DDX21: variants seen among roughly 807,000 people sequenced by gnomAD.
DDX21 encodes DExD-box helicase 21.
In DDX21, 18 loss-of-function variants were observed where a neutral mutation model predicts 90.0. The ratio of observed to expected loss-of-function variants is 0.20; its 90% CI spans 0.14 to 0.30. The LOEUF (loss-of-function observed/expected upper bound fraction) is 0.30. Ranked by LOEUF, DDX21 falls within the 10% of genes least tolerant of loss-of-function variation. The pLI, the probability that DDX21 is intolerant of heterozygous loss-of-function variation, is 1.00. For synonymous variants in DDX21, 294 were observed against 318.0 expected, an observed-to-expected ratio of 0.92 and a Z score of 0.80; for missense variants, 673 against 944.5, an observed-to-expected ratio of 0.71 and a Z score of 3.77.
intron 8 of DDX21, among the ~76,000 whole-genome samples, chr10:68,971,199 C>G (rs1476230948): frequency 6.6e-6 from 1 of 151,870 alleles, no homozygotes; most frequent in African/African-American, 2.4e-5. Context: ...GGTTGTGCCA[C>G]AGTCACCACT....
At position 68,981,594 on chromosome 10, in the gene DDX21, C is replaced by A. The variant is rs200620565; in HGVS notation, c.2082+13C>A. 319 of 1,601,864 alleles carry A rather than the reference C, an allele frequency of 2.0e-4. 1 individual carries two copies. The highest frequency in any genetic ancestry group is 2.6e-4 in the Non-Finnish European group (306 of 1,171,430). ...AACAGAAATACAGGTATTCTTTTCC[C>A]TTAGATTTTAAAGTTAACATACCTA... On this transcript the variant is annotated intron_variant, in intron 14 of 14. Transcript: ENST00000354185.
rs578047165 is a variant in DDX21, at chr10:68,981,541, T to C, written c.2042T>C (p.Val681Ala). The change falls in exon 14 of 15, where the codon GTT becomes GCT. Residue 681 changes from valine to alanine, a missense_variant. Val to Ala is a moderately conservative substitution (Grantham distance 64). Coordinates refer to ENST00000354185, the MANE Select transcript of DDX21 (RefSeq NM_004728.4). ...TCCATTTGCTTTGATTTCTAGGGTGTTTGCTTTGATGTACCTACCGCATCA... is the reference window on the plus strand; with the variant it reads ...TCCATTTGCTTTGATTTCTAGGGTGCTTGCTTTGATGTACCTACCGCATCA... Reference protein sequence around the residue: ...GMVFLKGKLGVCFDVPTASVT... With the variant: ...GMVFLKGKLGACFDVPTASVT... 6.2e-7 allele frequency: 1 copy of C among 1,613,318 alleles called. No individual in the cohort carries two copies. Among genetic ancestry groups the C allele is most frequent in the East Asian group, 2.2e-5 (1 of 44,852 alleles).
Position 68,970,400 on chromosome 10 carries a change from C to T in DDX21, c.1386+50C>T, listed in dbSNP as rs145398356. On this transcript the variant is annotated intron_variant, in intron 8 of 14. Transcript: ENST00000354185. ...AAAACTGGGGATATCAACAAATCTTCACCTTGGGCATATCTGCTCTTGGTC... is the reference window on the plus strand; with the variant it reads ...AAAACTGGGGATATCAACAAATCTTTACCTTGGGCATATCTGCTCTTGGTC... The T allele has an allele frequency of 1.5e-5, 24 of 1,558,218 alleles. No homozygotes were observed. The African/African-American group carries it at 3.0e-4, about 19-fold the overall frequency.
chr10:68,972,777 A>T (rs1354102547), intron 9 of DDX21, among the ~76,000 whole-genome samples: 2 of 152,224 alleles, frequency 1.3e-5, no homozygotes, highest in Non-Finnish European at 2.9e-5. Flanking sequence ...GCAAGTGTAA[A>T]ATACATACTG....
Position 68,974,725 on chromosome 10 carries a change from C to T in DDX21, c.1724C>T (p.Ser575Phe), listed in dbSNP as rs1267813635. 4 of 1,613,808 alleles carry T rather than the reference C, an allele frequency of 2.5e-6. No individual in the cohort carries two copies. The highest frequency in any genetic ancestry group is 3.4e-6 in the Non-Finnish European group (4 of 1,179,858). The change falls in exon 11 of 15, where the codon TCC becomes TTC. Residue 575 changes from serine to phenylalanine, a missense_variant. Transcript: ENST00000354185. ...TCTGCAACAGAAATAATAAAAGCTT[C>T]CAGCAAAGATGCCATCAGGTATGTT... Reference protein sequence around the residue: ...VPSATEIIKASSKDAIRLLDS... With the variant: ...VPSATEIIKAFSKDAIRLLDS...
rs3086423 is a variant in DDX21 at position 68,983,698 on chromosome 10, T to TAAAAAAAAAAAAAAAAAAAA, written c.*888_*907dup. ...CAGATTAGCATTGCTCAAGAGTATGTAAAAAAAAAAAAAAAAAAAAAGAAC... is the reference window on the plus strand; with the variant it reads ...CAGATTAGCATTGCTCAAGAGTATGTAAAAAAAAAAAAAAAAAAAAAAAAAAAAAAAAAAAAAAAAAGAAC... On this transcript the variant is annotated 3_prime_UTR_variant, in exon 15 of 15. Coordinates refer to ENST00000354185, the MANE Select transcript of DDX21 (RefSeq NM_004728.4). The TAAAAAAAAAAAAAAAAAAAA allele has an allele frequency of 9.0e-6, 1 of 111,268 alleles. No individual in the cohort carries two copies. The highest frequency in any genetic ancestry group is 1.8e-5 in the Non-Finnish European group (1 of 54,620). 6.9% of individuals were successfully genotyped at this position (111,268 alleles called of 1,614,324 possible).
At chr10:68,965,599 C>T (rs967361145) in intron 5 of DDX21, 105 bp downstream of exon 5, 54 of 786,976 alleles carry the variant, frequency 6.9e-5, no homozygotes, top group Non-Finnish European at 9.7e-5. Flanking sequence ...ATAGGATAGT[C>T]GTTTATGGGG....
In DDX21 at chr10:68,973,673, A is replaced by T; in HGVS notation, c.1668+9A>T. 1 of 1,608,238 alleles carries T rather than the reference A, an allele frequency of 6.2e-7. No individual in the cohort carries two copies. Among genetic ancestry groups the T allele is most frequent in the Non-Finnish European group, 8.5e-7 (1 of 1,177,140 alleles). ...AAGTGGAGCAAAAAGCGGTAAAACT[A>T]TTCTTACCTTTCATTAAGCAAATGT... is the stretch of plus-strand genomic sequence containing the variant. On this transcript the variant is annotated intron_variant, in intron 10 of 14. Transcript: ENST00000354185.
At chr10:68,977,712 G>A in intron 12 of DDX21, 24 bp downstream of exon 12, 1 of 1,586,328 alleles carries the variant, frequency 6.3e-7, no homozygotes, top group Non-Finnish European at 8.6e-7. Context: ...GCACATTCCT[G>A]ACACTTCATA....
rs773004828 is a variant in DDX21, at chr10:68,962,108, C to A, written c.558C>A (p.Gly186=). 1.9e-6 allele frequency: 3 copies of A among 1,612,418 alleles called. No individual in the cohort carries two copies. Among genetic ancestry groups the A allele is most frequent in the Non-Finnish European group, 2.5e-6 (3 of 1,179,074 alleles). ...EQEIPVEQKE[G]AFSNFPISEE... is the part of the protein sequence containing the mutation. ...AAATACCTGTGGAACAAAAAGAAGG[C>A]GCTTTCTCTAATTTTCCCATATCTG... Residue 186 remains glycine (G), a synonymous_variant, in exon 3 of 15, where the codon GGC becomes GGA. Coordinates refer to ENST00000354185, the MANE Select transcript of DDX21 (RefSeq NM_004728.4).
At position 68,972,922 on chromosome 10, in the gene DDX21, T is replaced by C. The variant is rs535760099; in HGVS notation, c.1549-623T>C. ...ATATTCTGACAGGCGTGGTGGCTCA[T>C]GTCTGTAATCCCAGCACCTTGGGCG... is the stretch of plus-strand genomic sequence containing the variant. On this transcript the variant is annotated intron_variant, in intron 9 of 14. Transcript: ENST00000354185. Among the ~76,000 whole-genome samples the C allele has an allele frequency of 2.0e-5, 3 of 152,302 alleles. No individual in the cohort carries two copies. The South Asian group carries it at 6.2e-4, about 32-fold the overall frequency.
intron 2 of DDX21, among the ~76,000 whole-genome samples, chr10:68,961,205 G>A (rs1050222302): frequency 3.0e-4 from 46 of 152,164 alleles, no homozygotes; most frequent in African/African-American, 9.9e-4. Context: ...GAGTAGCTGG[G>A]ATTACAGGCA....
intron 12 of DDX21, among the ~76,000 whole-genome samples, chr10:68,978,233 C>T (rs900961182): frequency 2.0e-5 from 3 of 152,224 alleles, no homozygotes; most frequent in East Asian, 1.9e-4. Context: ...GGAGGAATGG[C>T]AGTGGCTAGT....
intron 13 of DDX21, 121 bp downstream of exon 13, chr10:68,979,097 G>A (rs1843150543): frequency 7.2e-7 from 1 of 1,390,464 alleles, no homozygotes; most frequent in Non-Finnish European, 9.8e-7. Flanking sequence ...ATCTTCCCTG[G>A]GTAATCTCAT....
chr10:68,974,443 T>C (rs969326278), intron 10 of DDX21, among the ~76,000 whole-genome samples: 2 of 152,214 alleles, frequency 1.3e-5, no homozygotes, highest in Non-Finnish European at 2.9e-5. Flanking sequence ...GCCATGTTGG[T>C]TTCTTAGTTG....
chr10:68,973,199 G>GA lies in DDX21; in HGVS notation c.1549-336dup, dbSNP rs550091312. 1.7e-3 allele frequency among the ~76,000 whole-genome samples: 250 copies of GA among 142,992 alleles called. 3 individuals are homozygous for GA. The highest frequency in any genetic ancestry group is 2.5e-3 in the Non-Finnish European group (164 of 64,900). The allele number at this position is 142,992 out of a possible 152,430, so 93.8% of individuals were successfully genotyped here. A position where few individuals can be genotyped will look rare whatever the true frequency, so the allele number is the denominator to read the frequency against. On this transcript the variant is annotated intron_variant, in intron 9 of 14. Coordinates refer to ENST00000354185, the MANE Select transcript of DDX21 (RefSeq NM_004728.4). ...GACAGAGTGAGACTCTGTCTCAAAA[G>GA]AAAAAAAAAAGACTAGATATATTGA...
intron 13 of DDX21, among the ~76,000 whole-genome samples, chr10:68,980,694 G>C (rs916736957): frequency 6.6e-6 from 1 of 152,064 alleles, no homozygotes; most frequent in Non-Finnish European, 1.5e-5. Flanking sequence ...TGATTGGAGA[G>C]GATGGCACTT....
chr10:68,956,718 G>A, intron 1 of DDX21: 4 of 1,028,760 alleles, frequency 3.9e-6, no homozygotes, highest in South Asian at 3.5e-5. Flanking sequence ...CGGCATGAGC[G>A]TGCGCGAAGG....
intron 7 of DDX21, among the ~76,000 whole-genome samples, chr10:68,969,804 G>C (rs951189621): frequency 1.3e-5 from 2 of 152,182 alleles, no homozygotes; most frequent in African/African-American, 2.4e-5. Context: ...CTGAGGAACA[G>C]ACCTGTATAT....
Sources: gnomAD v4.1 joint callset for allele counts (sites outside exome capture counted in the v4.1 genomes callset) on GRCh38, gnomAD v4.1.1 for gene constraint, MANE v1.5 for transcripts, NCBI Gene and HGNC (gene_info 2026-07-23, HGNC 2026-07-21) for gene names.